The following CCDC33 variants were observed in gnomAD, a reference collection of about 807,000 sequenced individuals.
CCDC33 encodes coiled-coil domain containing 33.
Under a neutral mutation model 91.9 loss-of-function variants are expected in CCDC33, and 94 were observed. The observed-to-expected ratio is 1.02, with a 90% confidence interval of 0.87 to 1.21. The LOEUF is 1.21. CCDC33 is among the 50% of genes most tolerant of loss of function. The probability of loss-of-function intolerance (pLI) is 0.00; values close to 1 mark genes in which losing one functional copy is unlikely to be tolerated. For missense variants in CCDC33, 940 were observed against 935.5 expected (o/e 1.00, Z -0.06); for synonymous variants, 396 against 374.5 (o/e 1.06, Z -0.66).
intron 2 of CCDC33, among the ~76,000 whole-genome samples, chr15:74,226,832 A>C (rs2074813708): frequency 6.6e-6 from 1 of 151,958 alleles, no homozygotes; most frequent in African/African-American, 2.4e-5. Context: ...CATCTCAAAA[A>C]AAAAAAAAAA....
chr15:74,244,224 T>C lies in CCDC33; in HGVS notation c.185+76T>C. On this transcript the variant is annotated intron_variant, in intron 2 of 18. Transcript: ENST00000398814. The surrounding 1 kb of genome is among the most constrained non-coding windows in gnomAD (Gnocchi z 4.2). ...GAAACCAGGGGACAGCTATTTGGAA[T>C]ACTAGCACCCAAAGGCCCAGGACTG... is the stretch of plus-strand genomic sequence containing the variant. The C allele has an allele frequency of 6.5e-7, 1 of 1,527,072 alleles. No homozygotes were observed. The highest frequency in any genetic ancestry group is 8.8e-7 in the Non-Finnish European group (1 of 1,130,658). The allele number at this position is 1,527,072 out of a possible 1,614,324, so 94.6% of individuals were successfully genotyped here.
At chr15:74,216,237 G>A (rs1453871896), upstream of CCDC33, among the ~76,000 whole-genome samples, 1 of 152,078 alleles carries the variant, frequency 6.6e-6, no homozygotes, top group East Asian at 2.0e-4. Context: ...AAGGTTTCCA[G>A]GTAGTCTCTG....
At chr15:74,223,637 A>C (rs1015565376) in intron 2 of CCDC33, among the ~76,000 whole-genome samples, 2 of 149,660 alleles carry the variant, frequency 1.3e-5, no homozygotes, top group South Asian at 4.2e-4. Context: ...ATTGACTCCC[A>C]GCCCCCACCC....
At chr15:74,330,411 G>T (rs978960939) in intron 12 of CCDC33, 57 bp downstream of exon 12, 5 of 1,489,646 alleles carry the variant, frequency 3.4e-6, no homozygotes, top group East Asian at 4.8e-5. Context: ...CCAGGCTCCA[G>T]GTTGTGCAAT....
chr15:74,240,628 T>G (rs2075317256), intron 1 of CCDC33, among the ~76,000 whole-genome samples: 1 of 151,768 alleles, frequency 6.6e-6, no homozygotes, highest in African/African-American at 2.4e-5. Context: ...GTTGTTGGAG[T>G]CTCACTCTAT....
At chr15:74,330,815 G>A (rs1261375543) in intron 13 of CCDC33, 64 bp downstream of exon 13, 1 of 1,537,198 alleles carries the variant, frequency 6.5e-7, no homozygotes, top group Non-Finnish European at 9.0e-7. Context: ...GGGGTGAGAA[G>A]AGTCTGGGAG....
chr15:74,324,227 G>A (rs1045162912), intron 11 of CCDC33, among the ~76,000 whole-genome samples: 10 of 151,720 alleles, frequency 6.6e-5, no homozygotes, highest in East Asian at 1.9e-4. Context: ...AGAGGGCACC[G>A]TGACATACAC....
intron 2 of CCDC33, among the ~76,000 whole-genome samples, chr15:74,249,758 C>A (rs1167902872): frequency 6.6e-6 from 1 of 152,122 alleles, no homozygotes; most frequent in Non-Finnish European, 1.5e-5. Context: ...CCCAATCTTG[C>A]AAGACCCGTG....
chr15:74,294,308 T>C (rs903767465), intron 10 of CCDC33, among the ~76,000 whole-genome samples: 2 of 152,182 alleles, frequency 1.3e-5, no homozygotes, highest in Non-Finnish European at 2.9e-5. Flanking sequence ...CTGAAAACCC[T>C]AGGACTGCAT....
chr15:74,332,612 C>T (rs1175499963), intron 15 of CCDC33, 67 bp from the exon 16 acceptor site: 3 of 1,543,210 alleles, frequency 1.9e-6, no homozygotes, highest in East Asian at 2.3e-5. Context: ...AATGCTGGAG[C>T]AGATCAGGAC....
chr15:74,223,663 C>T (rs543041865), intron 2 of CCDC33, among the ~76,000 whole-genome samples: 3 of 150,464 alleles, frequency 2.0e-5, no homozygotes, highest in Admixed American at 6.6e-5. Context: ...GCCTCAGGCC[C>T]GAGCAGGTCA....
chr15:74,223,370 T>C (rs1033193234), intron 2 of CCDC33, among the ~76,000 whole-genome samples: 9 of 152,150 alleles, frequency 5.9e-5, no homozygotes, highest in Admixed American at 1.3e-4. Context: ...CCTCCCAGGC[T>C]GATGTCCCAG....
At position 74,221,189 on chromosome 15, in the gene CCDC33, C is replaced by A. The variant is rs879184365; in HGVS notation, c.675+2328C>A. The A allele has an allele frequency of 3.8e-5, 37 of 964,032 alleles. No individual in the cohort carries two copies. The South Asian group carries it at 4.9e-4, about 13-fold the overall frequency. 59.7% of individuals were successfully genotyped at this position (964,032 alleles called of 1,614,324 possible). ...CTTGGTTGTAGGCTCACAAGTTGTT[C>A]TCCAGTTTGTGTAGTGTGTGGCACT... On this transcript the variant is annotated intron_variant, in intron 2 of 2. Coordinates refer to the CCDC33 transcript ENST00000635913.
rs761278250 is a variant in CCDC33 at position 74,335,101 on chromosome 15, C to T, written c.2139+13C>T. 1.9e-6 allele frequency: 3 copies of T among 1,587,158 alleles called. No individual in the cohort carries two copies. Among genetic ancestry groups the T allele is most frequent in the South Asian group, 1.1e-5 (1 of 90,518 alleles). The stretch of plus-strand genomic sequence containing the variant: ...CATAGAACAGCCTGTGAGTGACCCC[C>T]CTGGAGTAGCTCCCAGGGGTTCAGG... On this transcript the variant is annotated intron_variant, in intron 18 of 18. Transcript: ENST00000398814.
Position 74,295,924 on chromosome 15 carries a change from G to A in CCDC33, c.1266G>A (p.Leu422=). The change falls in exon 11 of 19, where the codon CTG becomes CTA. Residue 422 remains leucine (L), a synonymous_variant. Transcript: ENST00000398814. ...CACGAGAAGCAGAGGAGGAACCTCT[G>A]GTGCCTGAGATGTCCCATGACACAG... ...STPREAEEEP[L]VPEMSHDTEM... is the part of the protein sequence containing the mutation. 6.2e-7 allele frequency: 1 copy of A among 1,613,368 alleles called. No individual in the cohort carries two copies. The highest frequency in any genetic ancestry group is 8.5e-7 in the Non-Finnish European group (1 of 1,179,666).
chr15:74,243,075 C>G (rs550433179), intron 1 of CCDC33, among the ~76,000 whole-genome samples: 2 of 152,348 alleles, frequency 1.3e-5, no homozygotes, highest in South Asian at 4.1e-4. Flanking sequence ...CATGAATCCA[C>G]AAGTTACTAA....
intron 1 of CCDC33, among the ~76,000 whole-genome samples, chr15:74,206,950 G>T (rs1023012695): frequency 2.6e-5 from 4 of 152,202 alleles, no homozygotes; most frequent in African/African-American, 9.6e-5. Context: ...GCTAAGCCCT[G>T]CTCACTATGG....
chr15:74,239,020 A>T (rs964293639), intron 1 of CCDC33, among the ~76,000 whole-genome samples: 5 of 152,224 alleles, frequency 3.3e-5, no homozygotes, highest in Admixed American at 2.0e-4. Context: ...AACTAGAAGG[A>T]ACATGGGGGA....
chr15:74,332,704 C>A lies in CCDC33; in HGVS notation c.1797C>A (p.Gly599=). Residue 599 remains glycine (G), a synonymous_variant, in exon 16 of 19, where the codon GGC becomes GGA. Coordinates refer to ENST00000398814, the MANE Select transcript of CCDC33 (RefSeq NM_025055.5). ...YTGFPMLSAS[G]LPLGSMGENL... ...GCTTCCCTATGCTCTCAGCCTCTGG[C>A]CTTCCCTTGGGTTCTATGGGAGAGA... is the stretch of plus-strand genomic sequence containing the variant. 1 of 1,614,194 alleles carries A rather than the reference C, an allele frequency of 6.2e-7. No individual in the cohort carries two copies. Among genetic ancestry groups the A allele is most frequent in the Non-Finnish European group, 8.5e-7 (1 of 1,180,018 alleles).
Sources: allele counts gnomAD v4.1 joint callset (sites outside exome capture counted in the v4.1 genomes callset), GRCh38; gene constraint gnomAD v4.1.1; non-coding constraint Gnocchi (gnomAD v3.1); transcripts MANE v1.5; gene names NCBI Gene and HGNC (gene_info 2026-07-23, HGNC 2026-07-21).